Variants in TMEM163 observed in about 807,000 individuals in gnomAD.
TMEM163 encodes transmembrane protein 163.
In TMEM163, 17 loss-of-function variants were observed where a neutral mutation model predicts 29.3. The observed-to-expected ratio is 0.58, with a 90% CI of 0.40 to 0.87. The LOEUF (loss-of-function observed/expected upper bound fraction) is 0.87. TMEM163 is among the 40% of genes least tolerant of loss of function. TMEM163 has a pLI of 0.00. For missense variants in TMEM163, 303 were observed against 381.5 expected (o/e 0.79, Z 1.71); for synonymous variants, 157 against 160.6 (o/e 0.98, Z 0.17).
At chr2:134,674,498 C>T (rs867298466) in intron 2 of TMEM163, among the ~76,000 whole-genome samples, 2,216 of 88,382 alleles carry the variant, frequency 0.025, 56 homozygotes, top group African/African-American at 0.12. Flanking sequence ...CGCGCGCGCG[C>T]GCGCGCGCGC....
intron 2 of TMEM163, among the ~76,000 whole-genome samples, chr2:134,704,783 G>A (rs1330037392): frequency 6.6e-6 from 1 of 152,198 alleles, no homozygotes; most frequent in African/African-American, 2.4e-5. Context: ...TCTCTGGGCT[G>A]CTAGAGGTAT....
At chr2:134,508,107 C>T (rs1005066543) in intron 4 of TMEM163, among the ~76,000 whole-genome samples, 1 of 152,122 alleles carries the variant, frequency 6.6e-6, no homozygotes, top group Non-Finnish European at 1.5e-5. Flanking sequence ...GTTGTCAGAT[C>T]GAAACTTTGG....
At chr2:134,655,199 T>G (rs1356651064) in intron 2 of TMEM163, among the ~76,000 whole-genome samples, 2 of 140,950 alleles carry the variant, frequency 1.4e-5, no homozygotes, top group Non-Finnish European at 3.0e-5. Flanking sequence ...CAGACGTAGA[T>G]TTGGTCTTTT....
rs1223701747 is a variant in TMEM163 at position 134,502,856 on chromosome 2, C to A, written c.555+45G>T. 5.1e-6 allele frequency: 8 copies of A among 1,576,518 alleles called. 1 individual carries two copies. In the Middle Eastern group the frequency reaches 1.3e-3, roughly 263 times the overall value. On this transcript the variant is annotated intron_variant, in intron 5 of 7. Transcript: ENST00000281924. ...CTGCGATAAGAGGCAGCCCAGGGGG[C>A]CAGCGCTGGCAGGAAGGATTGTTAA... is the stretch of plus-strand genomic sequence containing the variant.
intron 4 of TMEM163, among the ~76,000 whole-genome samples, chr2:134,513,361 A>G (rs1194309199): frequency 6.6e-6 from 1 of 152,130 alleles, no homozygotes; most frequent in Non-Finnish European, 1.5e-5. Context: ...TGACTCAGGA[A>G]TCATCAGCAC....
At position 134,510,740 on chromosome 2, in the gene TMEM163, C is replaced by T. The variant is rs77460593; in HGVS notation, c.459-7743G>A. Among the ~76,000 whole-genome samples, 629 of 152,200 alleles carry T rather than the reference C, an allele frequency of 4.1e-3. 1 individual carries two copies. The highest frequency in any genetic ancestry group is 6.3e-3 in the Non-Finnish European group (427 of 68,012). ...GGTAGTGAGTCTGTTTGGGGCTTGC[C>T]AAGCTTAAGGAAGGTCTGGACAGTG... On this transcript the variant is annotated intron_variant, in intron 4 of 7. Coordinates refer to ENST00000281924, the MANE Select transcript of TMEM163 (RefSeq NM_030923.5).
intron 2 of TMEM163, among the ~76,000 whole-genome samples, chr2:134,598,698 C>T (rs942927454): frequency 1.3e-5 from 2 of 152,022 alleles, no homozygotes; most frequent in African/African-American, 4.8e-5. Context: ...CGGAGAATCA[C>T]TTGAGCTCAG....
intron 4 of TMEM163, among the ~76,000 whole-genome samples, chr2:134,520,916 T>C (rs763457115): frequency 2.0e-5 from 3 of 152,194 alleles, no homozygotes; most frequent in Non-Finnish European, 4.4e-5. Flanking sequence ...TCTTCTTCCA[T>C]AGTCTTGCAT....
chr2:134,479,318 A>G (rs1372457041), intron 5 of TMEM163, among the ~76,000 whole-genome samples: 1 of 152,206 alleles, frequency 6.6e-6, no homozygotes, highest in Non-Finnish European at 1.5e-5. Flanking sequence ...GCCAATGACC[A>G]GTGCATCTGA....
At chr2:134,470,325 C>T (rs531189468) in intron 5 of TMEM163, among the ~76,000 whole-genome samples, 1 of 151,104 alleles carries the variant, frequency 6.6e-6, no homozygotes, top group South Asian at 2.1e-4. Context: ...CCACTGCACT[C>T]CAGCCTGGGT....
At chr2:134,524,884 C>T (rs1183699285) in intron 4 of TMEM163, among the ~76,000 whole-genome samples, 8 of 150,102 alleles carry the variant, frequency 5.3e-5, no homozygotes, top group Non-Finnish European at 1.2e-4. Context: ...GGTATATACC[C>T]AGTAATGGGA....
At position 134,682,605 on chromosome 2, in the gene TMEM163, C is replaced by T. The variant is rs115635972; in HGVS notation, c.322+30595G>A. Among the ~76,000 whole-genome samples, 974 of 152,290 alleles carry T rather than the reference C, an allele frequency of 6.4e-3. 17 individuals are homozygous for T. The highest frequency in any genetic ancestry group is 0.023 in the African/African-American group (936 of 41,576). On this transcript the variant is annotated intron_variant, in intron 2 of 7. Transcript: ENST00000281924. ...AAAACAACGAGCTACCATAACACAC[C>T]TATTAGAATGACCAAAATCCAGAAT...
intron 2 of TMEM163, among the ~76,000 whole-genome samples, chr2:134,626,094 C>G (rs1336753725): frequency 3.0e-5 from 2 of 66,256 alleles, no homozygotes; most frequent in Non-Finnish European, 5.8e-5. Flanking sequence ...ACTTTTCCAG[C>G]TTTTTTTTTT....
At chr2:134,511,957 G>T (rs1041744447) in intron 4 of TMEM163, among the ~76,000 whole-genome samples, 4 of 152,184 alleles carry the variant, frequency 2.6e-5, no homozygotes, top group Non-Finnish European at 5.9e-5. Context: ...ACACGGATGG[G>T]GAATAGAAGC....
At chr2:134,512,322 G>A (rs2106491286) in intron 4 of TMEM163, among the ~76,000 whole-genome samples, 1 of 152,218 alleles carries the variant, frequency 6.6e-6, no homozygotes, top group East Asian at 1.9e-4. Flanking sequence ...GCCAGGCATG[G>A]TGGCACACAT....
chr2:134,585,227 C>T (rs922561220), intron 2 of TMEM163, among the ~76,000 whole-genome samples: 5 of 152,282 alleles, frequency 3.3e-5, no homozygotes, highest in Middle Eastern at 3.4e-3. Context: ...ATTCAAACTC[C>T]TGGGCTCAAG....
At chr2:134,639,562 C>T (rs899774868) in intron 2 of TMEM163, among the ~76,000 whole-genome samples, 1 of 152,220 alleles carries the variant, frequency 6.6e-6, no homozygotes, top group Non-Finnish European at 1.5e-5. Context: ...AACAAAGAGG[C>T]TCACAGCAAA....
intron 2 of TMEM163, among the ~76,000 whole-genome samples, chr2:134,568,473 G>A (rs1359378870): frequency 2.0e-5 from 3 of 151,728 alleles, no homozygotes; most frequent in Non-Finnish European, 4.4e-5. Flanking sequence ...GTTGCAGTAA[G>A]CTGAGATAGC....
intron 4 of TMEM163, among the ~76,000 whole-genome samples, chr2:134,516,716 T>G (rs1208759672): frequency 7.3e-5 from 10 of 136,736 alleles, no homozygotes; most frequent in Admixed American, 3.8e-4. Context: ...TATATACATA[T>G]ATATTCATAT....
Sources: allele counts gnomAD v4.1 joint callset (sites outside exome capture counted in the v4.1 genomes callset), GRCh38; gene constraint gnomAD v4.1.1; transcripts MANE v1.5; gene names NCBI Gene and HGNC (gene_info 2026-07-23, HGNC 2026-07-21).